Variants in SIAH3 observed in about 807,000 individuals in gnomAD.
SIAH3 encodes seven in absentia homolog 3.
In SIAH3, 9 loss-of-function variants were observed where a neutral mutation model predicts 12.6. The ratio of observed to expected loss-of-function variants is 0.72; its 90% CI spans 0.43 to 1.25. SIAH3 has a LOEUF of 1.25. Among genes scored for constraint, SIAH3 ranks in the 50% most tolerant of loss-of-function variants. SIAH3 has a pLI of 0.00. For missense variants in SIAH3, 390 were observed against 365.4 expected (o/e 1.07, Z -0.55); for synonymous variants, 154 against 151.1 (o/e 1.02, Z -0.14).
intron 1 of SIAH3, among the ~76,000 whole-genome samples, chr13:45,789,428 A>G (rs896633556): frequency 6.6e-6 from 1 of 150,658 alleles, no homozygotes; most frequent in Non-Finnish European, 1.5e-5. Flanking sequence ...ATATGTTGAG[A>G]CAGAGTCTCA....
chr13:45,794,438 T>C (rs565944622), intron 1 of SIAH3, among the ~76,000 whole-genome samples: 20 of 152,300 alleles, frequency 1.3e-4, no homozygotes, highest in African/African-American at 4.6e-4. Context: ...ATCATCATCA[T>C]TATTGCACAG....
chr13:45,832,799 A>G (rs764966425), intron 1 of SIAH3, among the ~76,000 whole-genome samples: 1 of 152,192 alleles, frequency 6.6e-6, no homozygotes, highest in African/African-American at 2.4e-5. Context: ...AGCAATGCAC[A>G]AGTGTTCCAA....
intron 1 of SIAH3, among the ~76,000 whole-genome samples, chr13:45,833,520 T>C (rs1466329507): frequency 6.6e-6 from 1 of 152,016 alleles, no homozygotes; most frequent in African/African-American, 2.4e-5. Context: ...GCAGTCCTTT[T>C]TAGAACAAGG....
intron 1 of SIAH3, among the ~76,000 whole-genome samples, chr13:45,794,994 A>T (rs1349886528): frequency 1.3e-5 from 2 of 150,314 alleles, no homozygotes; most frequent in African/African-American, 2.5e-5. Context: ...TTCTAAGATT[A>T]GTCATTATAT....
chr13:45,811,488 G>A (rs912168596), intron 1 of SIAH3, among the ~76,000 whole-genome samples: 2 of 151,922 alleles, frequency 1.3e-5, no homozygotes, highest in African/African-American at 4.8e-5. Flanking sequence ...TTTGAGACAC[G>A]GTCTTATTCT....
chr13:45,807,401 A>C (rs771935657), intron 1 of SIAH3, among the ~76,000 whole-genome samples: 2 of 152,230 alleles, frequency 1.3e-5, no homozygotes, highest in Non-Finnish European at 2.9e-5. Context: ...AAAACATAGA[A>C]TAAAGCTACA....
intron 1 of SIAH3, among the ~76,000 whole-genome samples, chr13:45,810,739 C>T (rs1950613843): frequency 6.6e-6 from 1 of 152,170 alleles, no homozygotes; most frequent in Admixed American, 6.5e-5. Context: ...TCTGCATTGT[C>T]GCTGCTGGTC....
At chr13:45,827,467 T>G (rs182820911) in intron 1 of SIAH3, among the ~76,000 whole-genome samples, 1 of 152,320 alleles carries the variant, frequency 6.6e-6, no homozygotes, top group Non-Finnish European at 1.5e-5. Flanking sequence ...ATTCTGCTAT[T>G]TATAACTGAT....
At chr13:45,813,316 G>A (rs1337267231) in intron 1 of SIAH3, among the ~76,000 whole-genome samples, 1 of 152,246 alleles carries the variant, frequency 6.6e-6, no homozygotes, top group Non-Finnish European at 1.5e-5. Flanking sequence ...AATAAGGAGA[G>A]AGAGAGGATG....
chr13:45,813,344 C>T (rs1044463875), intron 1 of SIAH3, among the ~76,000 whole-genome samples: 10 of 152,282 alleles, frequency 6.6e-5, no homozygotes, highest in African/African-American at 2.4e-4. Context: ...GGCTGTCTGG[C>T]CTCCCCAGAG....
chr13:45,784,396 C>CTTTTT (rs1555256292), intron 1 of SIAH3, among the ~76,000 whole-genome samples: 34 of 102,022 alleles, frequency 3.3e-4, no homozygotes, highest in East Asian at 5.6e-4. Context: ...ACAAAGACAG[C>CTTTTT]TGTTTTTTTT....
In SIAH3 at chr13:45,777,428, C is replaced by G. The variant is rs1950488391; in HGVS notation, c.*5955G>C. On this transcript the variant is annotated 3_prime_UTR_variant, in exon 2 of 2. Transcript: ENST00000400405. ...TCCTTTCTCTTTCTTATCTCAATAC[C>G]CTAAAAAAAAGACTGAAAAAGGTTG... The G allele has an allele frequency of 6.6e-6, 1 of 151,692 alleles. No individual in the cohort carries two copies. Among genetic ancestry groups the G allele is most frequent in the African/African-American group, 2.4e-5 (1 of 41,242 alleles). The allele number at this position is 151,692 out of a possible 1,614,324, so 9.4% of individuals were successfully genotyped here. A position where few individuals can be genotyped will look rare whatever the true frequency, so the allele number is the denominator to read the frequency against.
chr13:45,802,385 C>G (rs1191070109), intron 1 of SIAH3, among the ~76,000 whole-genome samples: 1 of 152,042 alleles, frequency 6.6e-6, no homozygotes, highest in East Asian at 1.9e-4. Flanking sequence ...TCACTGAGCT[C>G]TGGACCTAAT....
chr13:45,832,054 C>T (rs145125993), intron 1 of SIAH3, among the ~76,000 whole-genome samples: 2 of 152,216 alleles, frequency 1.3e-5, no homozygotes, highest in African/African-American at 2.4e-5. Flanking sequence ...GAGAGCCAGC[C>T]GGAAGTGCCT....
At chr13:45,794,965 T>TC (rs1950557721) in intron 1 of SIAH3, among the ~76,000 whole-genome samples, 1 of 151,844 alleles carries the variant, frequency 6.6e-6, no homozygotes, top group African/African-American at 2.4e-5. Flanking sequence ...TTTTTTTTTT[T>TC]AAATCTTGCC....
intron 1 of SIAH3, among the ~76,000 whole-genome samples, chr13:45,819,282 G>T (rs1019546449): frequency 1.3e-5 from 2 of 152,202 alleles, no homozygotes; most frequent in African/African-American, 2.4e-5. Flanking sequence ...CATTGTTTTT[G>T]ATTGTTTTGT....
In SIAH3 at chr13:45,787,071, T is replaced by C. The variant is rs539299839; in HGVS notation, c.136-3014A>G. ...CTCCAATCTCTGCCAGTGCCTTCCA[T>C]TGGTGAAACCCAAGCAGAAACCTAC... On this transcript the variant is annotated intron_variant, in intron 1 of 1. Transcript: ENST00000400405. Among the ~76,000 whole-genome samples, 8 of 152,216 alleles carry C rather than the reference T, an allele frequency of 5.3e-5. No individual in the cohort carries two copies. The South Asian group carries it at 1.2e-3, about 24-fold the overall frequency.
intron 1 of SIAH3, among the ~76,000 whole-genome samples, chr13:45,827,322 G>C (rs1950682417): frequency 6.6e-6 from 1 of 152,196 alleles, no homozygotes; most frequent in Non-Finnish European, 1.5e-5. Flanking sequence ...AAATGCAAAG[G>C]AAAGGGCAAG....
intron 1 of SIAH3, among the ~76,000 whole-genome samples, chr13:45,791,764 C>CAGTAATGAAAA (rs1351481500): frequency 2.0e-5 from 3 of 152,170 alleles, no homozygotes; most frequent in Admixed American, 1.3e-4. Context: ...TTCTCTTTTT[C>CAGTAATGAAAA]AGTAATGAAT....
Sources: allele counts gnomAD v4.1 joint callset (sites outside exome capture counted in the v4.1 genomes callset), GRCh38; gene constraint gnomAD v4.1.1; transcripts MANE v1.5; gene names NCBI Gene and HGNC (gene_info 2026-07-23, HGNC 2026-07-21).